The following CACNA2D3 variants were observed in gnomAD, a reference collection of about 807,000 sequenced individuals.
CACNA2D3 encodes the protein calcium voltage-gated channel auxiliary subunit alpha2delta 3, also known as voltage-dependent calcium channel subunit alpha-2/delta-3.
A neutral mutation model predicts 160.6 loss-of-function variants in CACNA2D3; 60 were observed. The observed-to-expected ratio is 0.37, with a 90% CI of 0.30 to 0.46. CACNA2D3 has a LOEUF of 0.46. Among genes scored for constraint, CACNA2D3 ranks in the 20% least tolerant of loss-of-function variants. The probability of loss-of-function intolerance (pLI) is 1.00; values close to 1 mark genes in which losing one functional copy is unlikely to be tolerated. For synonymous variants in CACNA2D3, 558 were observed against 492.9 expected (o/e 1.13, Z -1.75); for missense variants, 1,205 against 1,365.0 (o/e 0.88, Z 1.85).
chr3:54,572,139 G>GA (rs58819489), intron 8 of CACNA2D3, among the ~76,000 whole-genome samples: 53,803 of 151,836 alleles, frequency 0.35, 10,519 homozygotes, highest in Middle Eastern at 0.48. Flanking sequence ...AAGTGACATG[G>GA]TGGCCGAGGG....
intron 5 of CACNA2D3, among the ~76,000 whole-genome samples, chr3:54,550,742 G>T (rs925399690): frequency 2.0e-5 from 3 of 152,146 alleles, no homozygotes; most frequent in Admixed American, 2.0e-4. Context: ...TTTCCCCGTG[G>T]TATAGTGATT....
chr3:54,299,894 A>G (rs576083397), intron 2 of CACNA2D3, among the ~76,000 whole-genome samples: 81 of 152,364 alleles, frequency 5.3e-4, no homozygotes, highest in African/African-American at 1.8e-3. Flanking sequence ...GTTTTTACCC[A>G]GTGAATCTGT....
intron 17 of CACNA2D3, among the ~76,000 whole-genome samples, chr3:54,862,409 A>G (rs1314290470): frequency 6.6e-6 from 1 of 152,106 alleles, no homozygotes; most frequent in East Asian, 1.9e-4. Flanking sequence ...ACACACGCAC[A>G]CACACGCACA....
intron 3 of CACNA2D3, among the ~76,000 whole-genome samples, chr3:54,378,752 G>A (rs906397917): frequency 6.6e-6 from 1 of 152,186 alleles, no homozygotes; most frequent in Admixed American, 6.5e-5. Context: ...CAAATCGAAG[G>A]TTGTCTCTTC....
At chr3:54,612,458 G>C (rs1298600056) in intron 9 of CACNA2D3, among the ~76,000 whole-genome samples, 3 of 152,196 alleles carry the variant, frequency 2.0e-5, no homozygotes, top group Non-Finnish European at 2.9e-5. Flanking sequence ...AGTAAAGTCA[G>C]GGAGGCCCGT....
chr3:54,374,984 C>T (rs773517171), intron 3 of CACNA2D3, among the ~76,000 whole-genome samples: 7 of 152,166 alleles, frequency 4.6e-5, no homozygotes, highest in Non-Finnish European at 1.0e-4. Flanking sequence ...TATGCCAAGC[C>T]ACTCATGATT....
chr3:54,918,438 T>C (rs1269828525), intron 27 of CACNA2D3: 3 of 1,505,080 alleles, frequency 2.0e-6, no homozygotes, highest in Non-Finnish European at 2.7e-6. Flanking sequence ...CAATGACCAA[T>C]CCTATTTGAG....
intron 11 of CACNA2D3, among the ~76,000 whole-genome samples, chr3:54,752,350 A>G (rs142561688): frequency 9.2e-4 from 140 of 152,232 alleles, no homozygotes; most frequent in Admixed American, 2.2e-3. Context: ...ATTCCCAGTT[A>G]TTCTCTTCTG....
chr3:55,040,455 G>T (rs1575447762), intron 35 of CACNA2D3, among the ~76,000 whole-genome samples: 1 of 152,212 alleles, frequency 6.6e-6, no homozygotes, highest in East Asian at 1.9e-4. Flanking sequence ...TATTGTTTAA[G>T]AATTCTTTGT....
intron 4 of CACNA2D3, among the ~76,000 whole-genome samples, chr3:54,474,160 A>G (rs1700786801): frequency 1.3e-5 from 2 of 152,208 alleles, no homozygotes; most frequent in Admixed American, 1.3e-4. Flanking sequence ...AATGCCCATC[A>G]GTGATGGACA....
At position 54,642,233 on chromosome 3, in the gene CACNA2D3, G is replaced by C. The variant is rs995066835; in HGVS notation, c.1159G>C (p.Asp387His). The change falls in exon 11 of 38, where the codon GAT (aspartate) becomes CAT (histidine). Residue 387 changes from aspartate to histidine, a missense_variant. This residue lies in a region of CACNA2D3 where 911 missense variants were observed against 1,002.2 expected (regional missense o/e 0.91). Transcript: ENST00000474759. ...DTIFAKYNWP[D>H]RKVRIFTYLI... ...AATCTTTGCAAAATACAATTGGCCA[G>C]ATCGAAAGGTAAGTTGATGCTGATC... 1 of 1,605,882 alleles carries C rather than the reference G, an allele frequency of 6.2e-7. No individual in the cohort carries two copies. Among genetic ancestry groups the C allele is most frequent in the Non-Finnish European group, 8.5e-7 (1 of 1,174,580 alleles).
At chr3:54,312,908 C>T (rs559637658) in intron 2 of CACNA2D3, among the ~76,000 whole-genome samples, 3 of 152,300 alleles carry the variant, frequency 2.0e-5, no homozygotes, top group African/African-American at 7.2e-5. Flanking sequence ...TGCACCAAGC[C>T]GGGGTTAGGC....
At chr3:54,292,143 C>T (rs145331349) in intron 2 of CACNA2D3, among the ~76,000 whole-genome samples, 1 of 152,054 alleles carries the variant, frequency 6.6e-6, no homozygotes, top group African/African-American at 2.4e-5. Flanking sequence ...TGGACCCCTA[C>T]CTCATACCAT....
intron 27 of CACNA2D3, among the ~76,000 whole-genome samples, chr3:54,927,462 G>T (rs1701055001): frequency 6.6e-6 from 1 of 152,102 alleles, no homozygotes; most frequent in South Asian, 2.1e-4. Flanking sequence ...CTCATTTTTA[G>T]CTGTGGGGCT....
intron 2 of CACNA2D3, among the ~76,000 whole-genome samples, chr3:54,273,747 T>C (rs1702673901): frequency 6.6e-6 from 1 of 152,222 alleles, no homozygotes; most frequent in Non-Finnish European, 1.5e-5. Flanking sequence ...TCCTCCTTTC[T>C]TACACCTGTA....
At chr3:54,538,687 G>C (rs2106657315) in intron 5 of CACNA2D3, among the ~76,000 whole-genome samples, 1 of 152,292 alleles carries the variant, frequency 6.6e-6, no homozygotes, top group African/African-American at 2.4e-5. Context: ...GTCCTCCCAT[G>C]CTGCCTTGTC....
At position 54,885,969 on chromosome 3, in the gene CACNA2D3, T is replaced by G. The variant is rs111399575; in HGVS notation, c.2056+383T>G. Among the ~76,000 whole-genome samples, 475 of 152,332 alleles carry G rather than the reference T, an allele frequency of 3.1e-3. 4 individuals are homozygous for G. The highest frequency in any genetic ancestry group is 0.011 in the African/African-American group (458 of 41,582). ...CCTCATTCAAGGCTATATCTAGATC[T>G]CCTGGTTCTCCCAAGAGTAGGGTCA... On this transcript the variant is annotated intron_variant, in intron 23 of 37. Transcript: ENST00000474759.
intron 24 of CACNA2D3, among the ~76,000 whole-genome samples, chr3:54,888,899 G>C (rs2106861723): frequency 6.6e-6 from 1 of 152,316 alleles, no homozygotes. Context: ...CACACAGATA[G>C]AGCCCTTAAC....
intron 5 of CACNA2D3, among the ~76,000 whole-genome samples, chr3:54,536,527 A>G (rs1329527857): frequency 1.3e-5 from 2 of 152,226 alleles, no homozygotes; most frequent in African/African-American, 4.8e-5. Flanking sequence ...AGCCAGGCCA[A>G]CAGCCCAGTA....
Sources: allele counts gnomAD v4.1 joint callset (sites outside exome capture counted in the v4.1 genomes callset), GRCh38; gene constraint gnomAD v4.1.1; regional missense constraint gnomAD v4.1.1; transcripts MANE v1.5; gene names NCBI Gene and HGNC (gene_info 2026-07-23, HGNC 2026-07-21).